Variants in FAM240C observed in about 807,000 individuals in gnomAD.
FAM240C encodes protein FAM240C.
FAM240C carries 14 observed loss-of-function variants against 10.0 expected under a neutral mutation model. The ratio of observed to expected loss-of-function variants is 1.40; its 90% CI spans 0.92 to 2.19. The LOEUF (loss-of-function observed/expected upper bound fraction) is 2.19. Among genes scored for constraint, FAM240C ranks in the 30% most tolerant of loss-of-function variants. The pLI is 0.00. For synonymous variants in FAM240C, 49 were observed against 44.3 expected (o/e 1.11, Z -0.42); for missense variants, 154 against 122.3 (o/e 1.26, Z -1.22).
chr2:241,897,087 A>C, intron 2 of FAM240C, 99 bp downstream of exon 2: 1 of 1,348,142 alleles, frequency 7.4e-7, no homozygotes, highest in East Asian at 2.5e-5. Context: ...GCTGAGGGCC[A>C]GGGCTGTGTC....
chr2:241,896,534 G>C (rs1701812591), intron 2 of FAM240C, among the ~76,000 whole-genome samples: 1 of 114,912 alleles, frequency 8.7e-6, no homozygotes, highest in Non-Finnish European at 2.2e-5. Flanking sequence ...TGGGTGTTGG[G>C]GTGTGGGTGT....
At chr2:241,902,576 A>G (rs1702010346), upstream of FAM240C, 1 of 152,652 alleles carries the variant, frequency 6.6e-6, no homozygotes, top group African/African-American at 2.4e-5. The surrounding 1 kb of genome is among the most constrained non-coding windows in gnomAD (Gnocchi z 7.1). Flanking sequence ...GTGCGGCATC[A>G]CCCAGCTCTG....
At chr2:241,895,800 C>T (rs1165857523) in intron 2 of FAM240C, among the ~76,000 whole-genome samples, 2 of 151,318 alleles carry the variant, frequency 1.3e-5, no homozygotes, top group African/African-American at 4.8e-5. Flanking sequence ...GGCCTGAGCC[C>T]ACTCCTGGGA....
At chr2:241,895,966 G>GT (rs1167008676) in intron 2 of FAM240C, among the ~76,000 whole-genome samples, 3 of 151,458 alleles carry the variant, frequency 2.0e-5, no homozygotes, top group African/African-American at 4.8e-5. Flanking sequence ...TCGGTGGTGG[G>GT]GGGGGGCCTC....
intron 1 of FAM240C, chr2:241,899,368 A>G: frequency 2.0e-6 from 2 of 982,342 alleles, no homozygotes; most frequent in Non-Finnish European, 2.4e-6. Context: ...TTAGACATGC[A>G]AAGTTGATCA....
intron 1 of FAM240C, chr2:241,899,470 G>A (rs1701932244): frequency 2.3e-6 from 1 of 431,978 alleles, no homozygotes; most frequent in Admixed American, 6.4e-5. Flanking sequence ...AGGGTGGGAT[G>A]CACGGAACCC....
intron 2 of FAM240C, among the ~76,000 whole-genome samples, chr2:241,896,538 T>A (rs1701812792): frequency 2.0e-5 from 2 of 100,504 alleles, no homozygotes; most frequent in East Asian, 2.6e-4. Context: ...TGTTGGGGTG[T>A]GGGTGTTGGG....
At position 241,897,172 on chromosome 2, in the gene FAM240C, A is replaced by G. The variant is rs771246581; in HGVS notation, c.161+14T>C. ...GGCATAGGGGTCCCCGATGCACTGC[A>G]CACCCCGACTCACTTGTTCAGAGCG... On this transcript the variant is annotated intron_variant, in intron 2 of 2. Coordinates refer to ENST00000404031, the MANE Select transcript of FAM240C (RefSeq NM_001382368.1). 11 of 1,548,958 alleles carry G rather than the reference A, an allele frequency of 7.1e-6. No homozygotes were observed. In the African/African-American group the frequency reaches 1.5e-4, roughly 21 times the overall value.
At chr2:241,895,788 G>A (rs193261364) in intron 2 of FAM240C, among the ~76,000 whole-genome samples, 53 of 152,060 alleles carry the variant, frequency 3.5e-4, no homozygotes, top group African/African-American at 9.6e-4. Context: ...ACACAGTCCC[G>A]GGGCCTGAGC....
rs375115900 is a variant in FAM240C, at chr2:241,899,339, C to T, written c.12+1019G>A. On this transcript the variant is annotated intron_variant, in intron 1 of 2. Transcript: ENST00000404031. ...CCACAGAAATCGCCCATCGATGCCA[C>T]GCCCTTTGTTCCAGAAACTTAGACA... 18 of 985,310 alleles carry T rather than the reference C, an allele frequency of 1.8e-5. No individual in the cohort carries two copies. In the South Asian group the frequency reaches 2.3e-4, roughly 13 times the overall value. 61.0% of individuals were successfully genotyped at this position (985,310 alleles called of 1,614,324 possible). A position where few individuals can be genotyped will look rare whatever the true frequency, so the allele number is the denominator to read the frequency against.
At chr2:241,898,693 G>A (rs1701910214) in intron 1 of FAM240C, among the ~76,000 whole-genome samples, 1 of 152,262 alleles carries the variant, frequency 6.6e-6, no homozygotes, top group African/African-American at 2.4e-5. Context: ...TGGGACGCGT[G>A]GAGCCTGGGT....
chr2:241,900,223 T>C lies in FAM240C; in HGVS notation c.12+135A>G. 1 of 646,588 alleles carries C rather than the reference T, an allele frequency of 1.5e-6. No homozygotes were observed. Among genetic ancestry groups the C allele is most frequent in the South Asian group, 1.8e-5 (1 of 57,062 alleles). The allele number at this position is 646,588 out of a possible 1,614,324, so 40.1% of individuals were successfully genotyped here. ...GGAAAACAAAATTACAAAGTTCAGTTCCCCCAGCGAAATGCGGGTGGGCTC... is the reference window on the plus strand; with the variant it reads ...GGAAAACAAAATTACAAAGTTCAGTCCCCCCAGCGAAATGCGGGTGGGCTC... On this transcript the variant is annotated intron_variant, in intron 1 of 2. Coordinates refer to ENST00000404031, the MANE Select transcript of FAM240C (RefSeq NM_001382368.1). This position sits in a 1 kb window ranked among gnomAD's most constrained non-coding sequence, Gnocchi z 4.5.
chr2:241,895,481 C>T (rs1701774115), intron 2 of FAM240C, among the ~76,000 whole-genome samples: 1 of 152,256 alleles, frequency 6.6e-6, no homozygotes, highest in Non-Finnish European at 1.5e-5. Flanking sequence ...TGGGCCAGCT[C>T]CTCTCTCACG....
chr2:241,896,476 A>C (rs1701806607), intron 2 of FAM240C, among the ~76,000 whole-genome samples: 1 of 99,814 alleles, frequency 1.0e-5, no homozygotes, highest in South Asian at 4.4e-4. Flanking sequence ...TGTCAGGGAG[A>C]TGGCGGGGGA....
chr2:241,897,384 T>A (rs904688845), intron 1 of FAM240C, 50 bp from the exon 2 acceptor site: 23 of 1,531,614 alleles, frequency 1.5e-5, no homozygotes, highest in Non-Finnish European at 2.0e-5. Flanking sequence ...GCCATTCCCA[T>A]TGACGAGTTT....
chr2:241,894,209 G>T lies in FAM240C; in HGVS notation c.*4C>A, dbSNP rs562909991. 15 of 1,548,574 alleles carry T rather than the reference G, an allele frequency of 9.7e-6. No homozygotes were observed. The highest frequency in any genetic ancestry group is 5.9e-5 in the Admixed American group (3 of 50,934). ...CTCATGCAGAGTCTGGAGCTCGTGG[G>T]CCCTCAGGCCGCCTTCTTGTCCTTG... On this transcript the variant is annotated 3_prime_UTR_variant, in exon 3 of 3. Coordinates refer to ENST00000404031, the MANE Select transcript of FAM240C (RefSeq NM_001382368.1).
At chr2:241,899,604 C>T (rs1701934394) in intron 1 of FAM240C, among the ~76,000 whole-genome samples, 1 of 152,200 alleles carries the variant, frequency 6.6e-6, no homozygotes, top group African/African-American at 2.4e-5. Context: ...AGCTGGAAAA[C>T]ATCTGACAGC....
intron 2 of FAM240C, 58 bp downstream of exon 2, chr2:241,897,128 G>A (rs1701864773): frequency 6.5e-7 from 1 of 1,528,460 alleles, no homozygotes; most frequent in Non-Finnish European, 8.8e-7. Flanking sequence ...CTGTGCCCCT[G>A]GGTGGCGAGC....
upstream of FAM240C, among the ~76,000 whole-genome samples, chr2:241,900,637 A>T (rs1021960116): frequency 1.3e-5 from 2 of 151,918 alleles, no homozygotes; most frequent in Admixed American, 6.5e-5. This position sits in a 1 kb window ranked among gnomAD's most constrained non-coding sequence, Gnocchi z 4.5. Flanking sequence ...CCCCATCGGG[A>T]CTGTTTTTTT....
Sources: allele counts gnomAD v4.1 joint callset (sites outside exome capture counted in the v4.1 genomes callset), GRCh38; gene constraint gnomAD v4.1.1; non-coding constraint Gnocchi (gnomAD v3.1); transcripts MANE v1.5; gene names NCBI Gene and HGNC (gene_info 2026-07-23, HGNC 2026-07-21).